The following CEP83 variants were observed in gnomAD, a reference collection of about 807,000 sequenced individuals.
CEP83 encodes the protein centrosomal protein 83, also known as centrosomal protein of 83 kDa.
CEP83 carries 70 observed loss-of-function variants against 101.9 expected under a neutral mutation model. That is an observed-to-expected ratio of 0.69 (90% CI 0.57 to 0.84). The LOEUF (loss-of-function observed/expected upper bound fraction) is 0.84, where lower values mean the gene tolerates loss of function less well. Ranked by LOEUF, CEP83 falls within the 40% of genes least tolerant of loss-of-function variation. The probability of loss-of-function intolerance (pLI) is 0.00; values close to 1 mark genes in which losing one functional copy is unlikely to be tolerated. For missense variants in CEP83, 715 were observed against 787.2 expected (o/e 0.91, Z 1.10); for synonymous variants, 264 against 267.9 (o/e 0.99, Z 0.14).
At chr12:94,424,134 G>C (rs911914583) in intron 2 of CEP83, 71 of 1,603,694 alleles carry the variant, frequency 4.4e-5, no homozygotes, top group Non-Finnish European at 6.1e-5. Context: ...TATGGGGAGA[G>C]TGCAGACCGA....
chr12:94,430,362 A>T (rs1165350749), intron 2 of CEP83, among the ~76,000 whole-genome samples: 1 of 152,174 alleles, frequency 6.6e-6, no homozygotes, highest in African/African-American at 2.4e-5. Context: ...GAAAAATAAC[A>T]TAAAGAAATC....
chr12:94,395,791 A>C (rs2062851338), intron 6 of CEP83, among the ~76,000 whole-genome samples: 1 of 152,246 alleles, frequency 6.6e-6, no homozygotes, highest in African/African-American at 2.4e-5. Context: ...GCTGCGCTCC[A>C]GCCTGGAGGA....
chr12:94,411,832 A>T lies in CEP83; in HGVS notation c.189T>A (p.His63Gln), dbSNP rs774982297. The change falls in exon 4 of 17, where the codon CAT (histidine) becomes CAA (glutamine). Residue 63 changes from histidine (H) to glutamine (Q), a missense_variant. Coordinates refer to ENST00000397809, the MANE Select transcript of CEP83 (RefSeq NM_016122.3). ...GCTTGAGTTCATTTTGTAACTTTAC[A>T]TGTTCATTCTGCAACCTGGTTTTTT... ...KAEHTRLQNE[H>Q]VKLQNELKHL... The T allele has an allele frequency of 1.2e-6, 2 of 1,610,576 alleles. No homozygotes were observed. The highest frequency in any genetic ancestry group is 1.1e-5 in the South Asian group (1 of 89,876).
At chr12:94,330,276 GCACACA>G (rs143826389) in intron 14 of CEP83, among the ~76,000 whole-genome samples, 1 of 149,316 alleles carries the variant, frequency 6.7e-6, no homozygotes, top group Non-Finnish European at 1.5e-5. Context: ...CATATAACAC[GCACACA>G]CACACACACA....
At chr12:94,413,374 T>A (rs1443916960) in intron 2 of CEP83, among the ~76,000 whole-genome samples, 4 of 152,044 alleles carry the variant, frequency 2.6e-5, no homozygotes, top group African/African-American at 4.8e-5. Context: ...CAAACCAGAG[T>A]CATGTTTCCT....
At chr12:94,342,784 C>CAA (rs576443841) in intron 11 of CEP83, among the ~76,000 whole-genome samples, 2 of 141,406 alleles carry the variant, frequency 1.4e-5, no homozygotes, top group Non-Finnish European at 3.1e-5. Flanking sequence ...ACAAGTCAAG[C>CAA]AAAAAAAAAA....
chr12:94,343,542 TG>T (rs2059796523), intron 11 of CEP83, among the ~76,000 whole-genome samples: 1 of 134,276 alleles, frequency 7.4e-6, no homozygotes, highest in South Asian at 2.5e-4. Context: ...GACTGCGGAC[TG>T]CAGTGGCGCA....
chr12:94,374,938 T>C (rs1338756779), intron 8 of CEP83, among the ~76,000 whole-genome samples: 1 of 149,938 alleles, frequency 6.7e-6, no homozygotes, highest in Non-Finnish European at 1.5e-5. Context: ...CAGCTTTTTT[T>C]AGTAATGAAA....
At chr12:94,316,314 TACTTG>T (rs1326471711) in intron 14 of CEP83, among the ~76,000 whole-genome samples, 10 of 152,190 alleles carry the variant, frequency 6.6e-5, no homozygotes, top group Admixed American at 2.0e-4. Context: ...TAGTATTTGT[TACTTG>T]ACTTCGTACT....
chr12:94,350,939 C>A (rs574102437), intron 11 of CEP83, among the ~76,000 whole-genome samples: 5 of 152,012 alleles, frequency 3.3e-5, no homozygotes, highest in Admixed American at 2.0e-4. Context: ...TGGTTACTAT[C>A]AAAAAAACAT....
chr12:94,437,655 T>C (rs1566206391), intron 1 of CEP83, among the ~76,000 whole-genome samples: 2 of 152,228 alleles, frequency 1.3e-5, no homozygotes, highest in South Asian at 2.1e-4. Context: ...GAAAGAGCAA[T>C]AGAGTCTTTT....
chr12:94,369,902 CA>C lies in CEP83; in HGVS notation c.1048+19del. Reference sequence around the variant, plus strand: ...TGAAAATAAGCAGCAGCAGCAGCAGCAAGGGAAATCACATATTACCATCCAG... The same window carrying C: ...TGAAAATAAGCAGCAGCAGCAGCAGCAGGGAAATCACATATTACCATCCAG... On this transcript the variant is annotated intron_variant, in intron 9 of 16. Transcript: ENST00000397809. The C allele has an allele frequency of 8.4e-7, 1 of 1,196,962 alleles. No individual in the cohort carries two copies. The highest frequency in any genetic ancestry group is 1.2e-6 in the Non-Finnish European group (1 of 812,876). 74.1% of individuals were successfully genotyped at this position (1,196,962 alleles called of 1,614,324 possible).
At chr12:94,365,769 GAAAAAAA>G (rs766001301) in intron 11 of CEP83, among the ~76,000 whole-genome samples, 1 of 70,740 alleles carries the variant, frequency 1.4e-5, no homozygotes, top group East Asian at 4.3e-4. Context: ...GACTGTGTTT[GAAAAAAA>G]AAAAAAAAAA....
At chr12:94,366,208 T>C (rs2061020067) in intron 11 of CEP83, among the ~76,000 whole-genome samples, 1 of 151,520 alleles carries the variant, frequency 6.6e-6, no homozygotes, top group Non-Finnish European at 1.5e-5. Context: ...AACATATTAA[T>C]AAATAAATAA....
chr12:94,280,512 G>A, the CEP83 span, among the ~76,000 whole-genome samples: 1 of 152,242 alleles, frequency 6.6e-6, no homozygotes, highest in Non-Finnish European at 1.5e-5. Flanking sequence ...GGTCTTGGAA[G>A]TTTGAGACCA....
At chr12:94,354,696 A>G (rs1451860066) in intron 11 of CEP83, among the ~76,000 whole-genome samples, 7 of 152,192 alleles carry the variant, frequency 4.6e-5, no homozygotes, top group Admixed American at 3.3e-4. Context: ...TGAATGACCA[A>G]TGAGTCAAGG....
the CEP83 span, among the ~76,000 whole-genome samples, chr12:94,272,594 C>T: frequency 1.3e-5 from 2 of 152,200 alleles, no homozygotes. Flanking sequence ...CCAAGCACTA[C>T]TCTCCCTTTT....
intron 2 of CEP83, chr12:94,425,111 G>A (rs1040191647): frequency 7.6e-6 from 5 of 658,352 alleles, no homozygotes; most frequent in Middle Eastern, 4.0e-4. Flanking sequence ...GGAGAAAGGA[G>A]GAGAAAAGGA....
intron 1 of CEP83, among the ~76,000 whole-genome samples, chr12:94,456,756 G>A (rs895850783): frequency 6.6e-6 from 1 of 152,160 alleles, no homozygotes; most frequent in Non-Finnish European, 1.5e-5. Flanking sequence ...TGGGGATTAT[G>A]GGGATTATAA....
Sources: allele counts gnomAD v4.1 joint callset (sites outside exome capture counted in the v4.1 genomes callset), GRCh38; gene constraint gnomAD v4.1.1; transcripts MANE v1.5; gene names NCBI Gene and HGNC (gene_info 2026-07-23, HGNC 2026-07-21).